The following CDC5L variants were observed in gnomAD, a reference collection of about 807,000 sequenced individuals.
CDC5L encodes the protein cell division cycle 5 like.
In CDC5L, 18 loss-of-function variants were observed where a neutral mutation model predicts 104.1. The ratio of observed to expected loss-of-function variants is 0.17; its 90% confidence interval spans 0.12 to 0.26. The LOEUF is 0.26. Among genes scored for constraint, CDC5L ranks in the 10% least tolerant of loss-of-function variants. The probability of loss-of-function intolerance (pLI) is 1.00; values close to 1 mark genes in which losing one functional copy is unlikely to be tolerated. For synonymous variants in CDC5L, 331 were observed against 322.7 expected, an observed-to-expected ratio of 1.03 and a Z score of -0.28; for missense variants, 673 against 956.9, an observed-to-expected ratio of 0.70 and a Z score of 3.91.
intron 1 of CDC5L, 100 bp downstream of exon 1, chr6:44,387,968 G>A (rs1790410330): frequency 8.7e-7 from 1 of 1,150,596 alleles, no homozygotes; most frequent in African/African-American, 1.6e-5. Context: ...ACCCTGTGGG[G>A]TCTGCGTGGA....
intron 12 of CDC5L, 139 bp from the exon 13 acceptor site, chr6:44,426,343 C>T (rs1363947833): frequency 6.6e-6 from 5 of 758,974 alleles, no homozygotes; most frequent in Middle Eastern, 3.8e-4. Context: ...TTCAGTAGTA[C>T]CAGAAAGAAT....
chr6:44,392,103 G>T (rs1357300442), intron 2 of CDC5L, among the ~76,000 whole-genome samples: 2 of 152,184 alleles, frequency 1.3e-5, no homozygotes, highest in African/African-American at 2.4e-5. Flanking sequence ...CTTAAGTCCT[G>T]TTTGCCTGCC....
chr6:44,425,718 C>G (rs1167426759), intron 11 of CDC5L, among the ~76,000 whole-genome samples: 4 of 152,068 alleles, frequency 2.6e-5, no homozygotes, highest in Non-Finnish European at 5.9e-5. Context: ...TCATAAGAAT[C>G]AGGAAACAAT....
intron 13 of CDC5L, among the ~76,000 whole-genome samples, chr6:44,428,577 G>A (rs1258194026): frequency 6.6e-6 from 1 of 152,068 alleles, no homozygotes; most frequent in East Asian, 1.9e-4. Context: ...CATCATCATT[G>A]CTTGGAAAGC....
chr6:44,437,199 G>T (rs561331467), intron 14 of CDC5L, among the ~76,000 whole-genome samples: 47 of 152,274 alleles, frequency 3.1e-4, no homozygotes, highest in African/African-American at 1.1e-3. Flanking sequence ...ATTTAAGCTA[G>T]TCCTGTCCCT....
At position 44,418,254 on chromosome 6, in the gene CDC5L, T is replaced by C. The variant is rs913122629; in HGVS notation, c.1093-1195T>C. ...AGTGAGAACATGCGGTGTTTGGTTT[T>C]TTTGTCCTTGTGATAGTTTGCTGAG... On this transcript the variant is annotated intron_variant, in intron 8 of 15. Transcript: ENST00000371477. Among the ~76,000 whole-genome samples, 158 of 152,308 alleles carry C rather than the reference T, an allele frequency of 1.0e-3. 2 individuals carry two copies. Among genetic ancestry groups the C allele is most frequent in the Non-Finnish European group, 1.4e-3 (97 of 68,036 alleles).
chr6:44,447,664 A>C lies in CDC5L; in HGVS notation c.*953A>C, dbSNP rs922299357. On this transcript the variant is annotated 3_prime_UTR_variant, in exon 16 of 16. Coordinates refer to ENST00000371477, the MANE Select transcript of CDC5L (RefSeq NM_001253.4). ...GGGAAGGGATTCATTCATTCATTCG[A>C]TATTGAATGTATACCCTGTGCCAGA... 23 of 152,204 alleles carry C rather than the reference A, an allele frequency of 1.5e-4. No individual in the cohort carries two copies. Among genetic ancestry groups the C allele is most frequent in the African/African-American group, 5.5e-4 (23 of 41,448 alleles). 9.4% of individuals were successfully genotyped at this position (152,204 alleles called of 1,614,324 possible). A position where few individuals can be genotyped will look rare whatever the true frequency, so the allele number is the denominator to read the frequency against.
intron 13 of CDC5L, among the ~76,000 whole-genome samples, chr6:44,429,044 CTG>C (rs1268332491): frequency 3.6e-5 from 4 of 109,754 alleles, no homozygotes; most frequent in African/African-American, 1.5e-4. Flanking sequence ...TTTTTTGAGA[CTG>C]AGTCTCACTC....
chr6:44,390,597 G>C (rs72866251), intron 2 of CDC5L, among the ~76,000 whole-genome samples: 19 of 152,238 alleles, frequency 1.2e-4, no homozygotes, highest in Non-Finnish European at 2.4e-4. Flanking sequence ...CTCCCAATTA[G>C]GGATAATAAT....
intron 12 of CDC5L, 103 bp from the exon 13 acceptor site, chr6:44,426,378 CT>C (rs1792422851): frequency 1.2e-6 from 1 of 833,166 alleles, no homozygotes; most frequent in Non-Finnish European, 1.9e-6. Context: ...ATGGAAATTG[CT>C]TTTGAAAATG....
rs756943779 is a variant in CDC5L, at chr6:44,396,435, A to G, written c.534A>G (p.Glu178=). The change falls in exon 5 of 16, where the codon GAA becomes GAG. Residue 178 remains glutamate (E), a synonymous_variant. Coordinates refer to ENST00000371477, the MANE Select transcript of CDC5L (RefSeq NM_001253.4). The part of the protein sequence containing the change: ...KRKAREKQLE[E]ARRLAALQKR... ...AAGCAAGAGAGAAACAATTGGAAGAAGCAAGGTATGTGTGGATATAGGAAT... is the reference window on the plus strand; with the variant it reads ...AAGCAAGAGAGAAACAATTGGAAGAGGCAAGGTATGTGTGGATATAGGAAT... The G allele has an allele frequency of 1.9e-6, 3 of 1,600,264 alleles. No homozygotes were observed. The highest frequency in any genetic ancestry group is 1.7e-5 in the Admixed American group (1 of 59,542).
chr6:44,415,959 TG>T (rs1483506614), intron 8 of CDC5L, among the ~76,000 whole-genome samples: 1 of 152,198 alleles, frequency 6.6e-6, no homozygotes, highest in African/African-American at 2.4e-5. Flanking sequence ...CATATTTTTT[TG>T]TAAAATTTTG....
At chr6:44,427,046 T>A (rs1792455659) in intron 13 of CDC5L, among the ~76,000 whole-genome samples, 2 of 152,220 alleles carry the variant, frequency 1.3e-5, no homozygotes, top group African/African-American at 4.8e-5. Flanking sequence ...AAAAATTAGA[T>A]GCCTTTAGTA....
intron 7 of CDC5L, among the ~76,000 whole-genome samples, chr6:44,407,405 C>T (rs1333689293): frequency 6.6e-6 from 1 of 151,774 alleles, no homozygotes; most frequent in Admixed American, 6.6e-5. Context: ...AGGCTCACTG[C>T]AACCTCCGCC....
At chr6:44,411,633 A>AGTGTGTGTGTGTGTGT (rs780216018) in intron 8 of CDC5L, among the ~76,000 whole-genome samples, 6,728 of 57,756 alleles carry the variant, frequency 0.12, 235 homozygotes, top group Non-Finnish European at 0.17. Context: ...AGAGAGAGAG[A>AGTGTGTGTGTGTGTGT]GAGAGTGTGT....
chr6:44,423,202 G>A (rs114462219), intron 10 of CDC5L, among the ~76,000 whole-genome samples: 1,630 of 152,076 alleles, frequency 0.011, 16 homozygotes, highest in Middle Eastern at 0.054. Flanking sequence ...TAATGATACT[G>A]GCTTGTCTTC....
At chr6:44,413,903 G>A (rs1445715611) in intron 8 of CDC5L, among the ~76,000 whole-genome samples, 2 of 152,102 alleles carry the variant, frequency 1.3e-5, no homozygotes, top group Admixed American at 1.3e-4. Context: ...GTTTTTATTA[G>A]GAATGTGGAA....
chr6:44,434,091 G>C (rs1792812964), intron 14 of CDC5L, among the ~76,000 whole-genome samples: 1 of 152,162 alleles, frequency 6.6e-6, no homozygotes, highest in African/African-American at 2.4e-5. Flanking sequence ...GACCCTTATA[G>C]GCACTGACAG....
chr6:44,428,758 T>C (rs1010901814), intron 13 of CDC5L, among the ~76,000 whole-genome samples: 1 of 152,208 alleles, frequency 6.6e-6, no homozygotes, highest in Non-Finnish European at 1.5e-5. Flanking sequence ...ACTAAACTGG[T>C]TTATGATCTA....
Sources: gnomAD v4.1 joint callset for allele counts (sites outside exome capture counted in the v4.1 genomes callset) on GRCh38, gnomAD v4.1.1 for gene constraint, MANE v1.5 for transcripts, NCBI Gene and HGNC (gene_info 2026-07-23, HGNC 2026-07-21) for gene names.